The following MFAP4 variants were observed in gnomAD, a reference collection of about 807,000 sequenced individuals.
MFAP4 encodes microfibril-associated glycoprotein 4.
In MFAP4, 20 loss-of-function variants were observed where a neutral mutation model predicts 32.4. The ratio of observed to expected loss-of-function variants is 0.62; its 90% CI spans 0.43 to 0.90. MFAP4 has a LOEUF of 0.90. Among genes scored for constraint, MFAP4 ranks in the 40% least tolerant of loss-of-function variants. The pLI, the probability that MFAP4 is intolerant of heterozygous loss-of-function variation, is 0.00. For synonymous variants in MFAP4, 146 were observed against 137.4 expected (o/e 1.06, Z -0.44); for missense variants, 267 against 329.5 (o/e 0.81, Z 1.47).
intron 1 of MFAP4, 147 bp downstream of exon 1, chr17:19,387,003 C>T (rs1053959709): frequency 1.7e-6 from 1 of 574,722 alleles, no homozygotes; most frequent in Non-Finnish European, 2.9e-6. Flanking sequence ...CGCCAAGTAA[C>T]CCCACTCTCT....
rs1485694175 is a variant in MFAP4 at position 19,386,817 on chromosome 17, G to A, written c.28C>T (p.Leu10=). The change falls in exon 2 of 6, where the codon CTG becomes TTG. Residue 10 remains leucine (L), a synonymous_variant. Coordinates refer to ENST00000299610, the MANE Select transcript of MFAP4 (RefSeq NM_002404.3). Reference sequence around the variant, plus strand: ...CACGGGGGCGTGGAGAGAAGCAGCAGCAGCGGCAGGGCCAGGAGTGCCTGG... The same window carrying A: ...CACGGGGGCGTGGAGAGAAGCAGCAACAGCGGCAGGGCCAGGAGTGCCTGG... The part of the protein sequence containing the change: MKALLALPL[L]LLLSTPPCAP... The A allele has an allele frequency of 1.3e-6, 2 of 1,569,930 alleles. No individual in the cohort carries two copies. The highest frequency in any genetic ancestry group is 4.7e-5 in the East Asian group (2 of 42,468).
chr17:19,387,171 C>G lies in MFAP4; in HGVS notation c.-16G>C, dbSNP rs953912925. 6.3e-7 allele frequency: 1 copy of G among 1,576,828 alleles called. No homozygotes were observed. Among genetic ancestry groups the G allele is most frequent in the Non-Finnish European group, 8.7e-7 (1 of 1,147,926 alleles). ...GTACCTTCATGCTGTCAGTTCTGCT[C>G]AGAGTGGCTGGGTGTCTGCGGCCCC... is the stretch of plus-strand genomic sequence containing the variant. On this transcript the variant is annotated 5_prime_UTR_variant, in exon 1 of 6. Coordinates refer to ENST00000299610, the MANE Select transcript of MFAP4 (RefSeq NM_002404.3).
At chr17:19,384,977 TG>T in intron 5 of MFAP4, 121 bp downstream of exon 5, 1 of 1,307,530 alleles carries the variant, frequency 7.6e-7, no homozygotes, top group Non-Finnish European at 1.1e-6. Flanking sequence ...GAGCCAGCTG[TG>T]GCCCTTCCAG....
Position 19,385,231 on chromosome 17 carries a change from C to T in MFAP4, c.388G>A (p.Val130Met). 6.2e-7 allele frequency: 1 copy of T among 1,614,282 alleles called. No homozygotes were observed. The highest frequency in any genetic ancestry group is 1.1e-5 in the South Asian group (1 of 91,090). Residue 130 changes from valine (V) to methionine (M), a missense_variant, in exon 5 of 6, where the codon GTG becomes ATG. Transcript: ENST00000299610. ...TTGTTCTCAAAGTCCTCCAAGTCCA[C>T]TCGCAGCTCATACTTCTGCTTCAGT... The part of the protein sequence containing the change: ...LTLKQKYELR[V>M]DLEDFENNTA...
intron 2 of MFAP4, 27 bp downstream of exon 2, chr17:19,386,733 C>G (rs778000256): frequency 1.3e-6 from 2 of 1,556,858 alleles, no homozygotes; most frequent in East Asian, 4.8e-5. Context: ...TGGGCCAGGC[C>G]GCGTCTGTGA....
Position 19,384,564 on chromosome 17 carries a change from T to G in MFAP4, c.666A>C (p.Leu222=). 1 of 1,614,098 alleles carries G rather than the reference T, an allele frequency of 6.2e-7. No individual in the cohort carries two copies. Among genetic ancestry groups the G allele is most frequent in the Non-Finnish European group, 8.5e-7 (1 of 1,179,994 alleles). Residue 222 remains leucine, a synonymous_variant, in exon 6 of 6, where the codon CTA becomes CTC. Coordinates refer to ENST00000299610, the MANE Select transcript of MFAP4 (RefSeq NM_002404.3). ...CHFANLNGFY[L]GGSHLSYANG... is the part of the protein sequence containing the mutation. ...TGGCATAAGAGAGGTGGGAGCCACCTAGGTAGAAGCCATTGAGGTTGGCAA... is the reference window on the plus strand; with the variant it reads ...TGGCATAAGAGAGGTGGGAGCCACCGAGGTAGAAGCCATTGAGGTTGGCAA...
intron 1 of MFAP4, 101 bp from the exon 2 acceptor site, chr17:19,386,939 G>C (rs1313902604): frequency 2.8e-6 from 4 of 1,426,184 alleles, no homozygotes; most frequent in Non-Finnish European, 2.9e-6. Context: ...TACTGCCCTT[G>C]CCTGAATCCC....
chr17:19,385,142 ATCC>A lies in MFAP4; in HGVS notation c.474_476del (p.Glu158del), dbSNP rs773447726. The stretch of plus-strand genomic sequence containing the variant: ...AGCCTGCCACAAAGAGGGTGTAGCC[ATCC>A]TCCTCTGCGCTGACCGCGTTCGGGG... On this transcript the variant is annotated inframe_deletion, in exon 5 of 6. Coordinates refer to ENST00000299610, the MANE Select transcript of MFAP4 (RefSeq NM_002404.3). 3.1e-6 allele frequency: 5 copies of A among 1,614,240 alleles called. No homozygotes were observed. The highest frequency in any genetic ancestry group is 2.2e-5 in the East Asian group (1 of 44,880).
Position 19,384,539 on chromosome 17 carries a change from T to C in MFAP4, c.691A>G (p.Asn231Asp), listed in dbSNP as rs753411236. The stretch of plus-strand genomic sequence containing the variant: ...TTCCACTGGGCCCAGTTGATGCCAT[T>C]GGCATAAGAGAGGTGGGAGCCACCT... ...YLGGSHLSYA[N>D]GINWAQWKGF... Residue 231 changes from asparagine to aspartate, a missense_variant, in exon 6 of 6, where the codon AAT becomes GAT. By Grantham distance (23) the Asn-to-Asp change is conservative. Transcript: ENST00000299610. 1 of 1,613,888 alleles carries C rather than the reference T, an allele frequency of 6.2e-7. No individual in the cohort carries two copies. The highest frequency in any genetic ancestry group is 1.7e-5 in the Admixed American group (1 of 59,972).
At chr17:19,385,547 C>A in intron 3 of MFAP4, 93 bp from the exon 4 acceptor site, 1 of 817,660 alleles carries the variant, frequency 1.2e-6, no homozygotes, top group Non-Finnish European at 1.9e-6. Flanking sequence ...CCCTGTGATG[C>A]TGTGGCCAGT....
intron 5 of MFAP4, 35 bp from the exon 6 acceptor site, chr17:19,384,744 C>T (rs1198653676): frequency 1.2e-6 from 2 of 1,611,202 alleles, no homozygotes; most frequent in African/African-American, 1.3e-5. Context: ...GCTGCTGAGG[C>T]AGGGAACTGA....
In MFAP4 at chr17:19,386,383, A is replaced by T; in HGVS notation, c.167T>A (p.Leu56His). ...CACACTGGGGCCCGAGGGGTAGATG[A>T]GGTACACGCCGTCTGACTGGTAGCC... ...AQGYQSDGVY[L>H]IYPSGPSVPV... is the part of the protein sequence containing the mutation. Residue 56 changes from leucine (L) to histidine (H), a missense_variant, in exon 3 of 6, where the codon CTC becomes CAC. Physicochemically the swap from Leu to His is moderately conservative, Grantham distance 99. Around this residue, in one of 3 missense-constraint regions of MFAP4, gnomAD observed 223 missense variants for 253.3 expected, o/e 0.88. Transcript: ENST00000299610. The T allele has an allele frequency of 1.2e-6, 2 of 1,613,652 alleles. No homozygotes were observed. The highest frequency in any genetic ancestry group is 1.7e-6 in the Non-Finnish European group (2 of 1,179,868).
chr17:19,384,435 G>A lies in MFAP4; in HGVS notation c.*27C>T, dbSNP rs1217013220. On this transcript the variant is annotated 3_prime_UTR_variant, in exon 6 of 6. Coordinates refer to ENST00000299610, the MANE Select transcript of MFAP4 (RefSeq NM_002404.3). ...ATGGAGACCATGGGTGTCCAGGGGA[G>A]GAAAGGTGCCTGAGGGGGCCAGCCC... is the stretch of plus-strand genomic sequence containing the variant. 3.2e-6 allele frequency: 5 copies of A among 1,551,554 alleles called. No individual in the cohort carries two copies. In the Admixed American group the frequency reaches 7.8e-5, roughly 24 times the overall value.
At chr17:19,386,049 G>A (rs891377828) in intron 3 of MFAP4, among the ~76,000 whole-genome samples, 2 of 152,242 alleles carry the variant, frequency 1.3e-5, no homozygotes, top group Non-Finnish European at 2.9e-5. Context: ...AACCTGGGAG[G>A]TGGAGTTTCC....
At chr17:19,386,898 T>C in intron 1 of MFAP4, 60 bp from the exon 2 acceptor site, 2 of 1,514,688 alleles carry the variant, frequency 1.3e-6, no homozygotes, top group Non-Finnish European at 9.0e-7. Flanking sequence ...TCCCCTGTTC[T>C]CTTTGCATTT....
Position 19,384,190 on chromosome 17 carries a change from C to T in MFAP4, c.*272G>A. ...GGAGGCAACTCATTCTCATGGAGCC[C>T]AGCCAGGTCCAGGCTAGAACCATGT... On this transcript the variant is annotated 3_prime_UTR_variant, in exon 6 of 6. Transcript: ENST00000299610. 2.2e-6 allele frequency: 1 copy of T among 446,356 alleles called. No individual in the cohort carries two copies. 27.6% of individuals were successfully genotyped at this position (446,356 alleles called of 1,614,324 possible).
intron 1 of MFAP4, 134 bp from the exon 2 acceptor site, chr17:19,386,972 T>TGGGGGGGGCCCCCCCCCCCCCCC: frequency 1.1e-6 from 1 of 937,014 alleles, no homozygotes; most frequent in Non-Finnish European, 1.7e-6. Flanking sequence ...TGGCCCCTCT[T>TGGGGGGGGCCCCCCCCCCCCCCC]CCCTGCCCCC....
At chr17:19,386,712 T>C (rs1480911991) in intron 2 of MFAP4, 48 bp downstream of exon 2, 5 of 1,542,330 alleles carry the variant, frequency 3.2e-6, no homozygotes, top group Admixed American at 2.0e-5. Context: ...AGCCTCTTCT[T>C]GCACAACCTG....
At chr17:19,384,793 T>A in intron 5 of MFAP4, 84 bp from the exon 6 acceptor site, 1 of 1,566,124 alleles carries the variant, frequency 6.4e-7, no homozygotes, top group Non-Finnish European at 8.7e-7. Flanking sequence ...ATGACGACTG[T>A]GAGAGATATC....
Sources: gnomAD v4.1 joint callset for allele counts (sites outside exome capture counted in the v4.1 genomes callset) on GRCh38, gnomAD v4.1.1 for gene constraint, gnomAD v4.1.1 regional missense constraint, MANE v1.5 for transcripts, NCBI Gene and HGNC (gene_info 2026-07-23, HGNC 2026-07-21) for gene names.